MMP16: variants seen among roughly 807,000 people sequenced by gnomAD.
MMP16 encodes the protein matrix metalloproteinase-16.
In MMP16, 12 loss-of-function variants were observed where a neutral mutation model predicts 67.8. The observed-to-expected ratio is 0.18, with a 90% CI of 0.11 to 0.29. MMP16 has a LOEUF of 0.29. Ranked by LOEUF, MMP16 falls within the 10% of genes least tolerant of loss-of-function variation. The pLI, the probability that MMP16 is intolerant of heterozygous loss-of-function variation, is 1.00. For synonymous variants in MMP16, 249 were observed against 255.9 expected, an observed-to-expected ratio of 0.97 and a Z score of 0.26; for missense variants, 475 against 765.7, an observed-to-expected ratio of 0.62 and a Z score of 4.48.
chr8:88,214,280 T>C (rs766193966), intron 1 of MMP16, among the ~76,000 whole-genome samples: 24 of 152,142 alleles, frequency 1.6e-4, no homozygotes, highest in Admixed American at 3.3e-4. Flanking sequence ...AGGCAAAACA[T>C]AGCCCAGTCT....
At chr8:88,193,348 T>TAAAAAACAAAACAAAACAAAAC (rs1214156247) in intron 2 of MMP16, among the ~76,000 whole-genome samples, 1 of 151,792 alleles carries the variant, frequency 6.6e-6, no homozygotes, top group African/African-American at 2.4e-5. Context: ...ATGTGGGAGC[T>TAAAAAACAAAACAAAACAAAAC]AAAAAACAAA....
intron 4 of MMP16, among the ~76,000 whole-genome samples, chr8:88,140,949 C>T (rs902387236): frequency 6.6e-6 from 1 of 152,082 alleles, no homozygotes; most frequent in Non-Finnish European, 1.5e-5. Flanking sequence ...ATTAAAATAT[C>T]ATTAGGATCA....
At position 88,056,300 on chromosome 8, in the gene MMP16, G is replaced by C. The variant is rs775826740; in HGVS notation, c.1223-22C>G. On this transcript the variant is annotated intron_variant, in intron 7 of 9. Coordinates refer to ENST00000286614, the MANE Select transcript of MMP16 (RefSeq NM_005941.5). ...TTACCTGTATGGAATAAGTGTAAAT[G>C]TAGAATATATTAATTTAATGTCATA... 5.9e-6 allele frequency: 8 copies of C among 1,349,268 alleles called. 1 individual carries two copies. Among genetic ancestry groups the C allele is most frequent in the Non-Finnish European group, 7.9e-6 (8 of 1,009,640 alleles). The allele number at this position is 1,349,268 out of a possible 1,614,324, so 83.6% of individuals were successfully genotyped here.
intron 1 of MMP16, among the ~76,000 whole-genome samples, chr8:88,282,485 T>C (rs1462847037): frequency 6.6e-6 from 1 of 152,216 alleles, no homozygotes; most frequent in Admixed American, 6.5e-5. Flanking sequence ...CTAAAACATA[T>C]TAAAAACAAA....
intron 7 of MMP16, among the ~76,000 whole-genome samples, chr8:88,072,605 A>G (rs1808577482): frequency 6.6e-6 from 1 of 152,050 alleles, no homozygotes. Context: ...ACAAAAACGA[A>G]ATTATTGCTG....
chr8:88,117,086 T>C (rs1285184027), intron 5 of MMP16, among the ~76,000 whole-genome samples: 1 of 152,146 alleles, frequency 6.6e-6, no homozygotes, highest in East Asian at 1.9e-4. Flanking sequence ...GCCATGTAAG[T>C]AAGCTCCAAC....
rs1807993434 is a variant in MMP16 at position 88,032,137 on chromosome 8, GA to G, written c.*9323del. 1 of 152,058 alleles carries G rather than the reference GA, an allele frequency of 6.6e-6. No homozygotes were observed. The allele number at this position is 152,058 out of a possible 1,614,324, so 9.4% of individuals were successfully genotyped here. On this transcript the variant is annotated 3_prime_UTR_variant, in exon 10 of 10. Coordinates refer to ENST00000286614, the MANE Select transcript of MMP16 (RefSeq NM_005941.5). ...TCCCTAGGTTAAGACACTTACAGCA[GA>G]CAAAAACTGCCCCACCCCTAATCCC...
intron 4 of MMP16, among the ~76,000 whole-genome samples, chr8:88,132,928 G>A (rs1307319665): frequency 6.6e-6 from 1 of 151,870 alleles, no homozygotes; most frequent in Non-Finnish European, 1.5e-5. Flanking sequence ...GCAAGGGAAA[G>A]TCTTCCATCT....
At chr8:88,201,535 A>G (rs11990055) in intron 1 of MMP16, among the ~76,000 whole-genome samples, 10,473 of 152,100 alleles carry the variant, frequency 0.069, 398 homozygotes, top group African/African-American at 0.098. Context: ...AAACATTTTT[A>G]TTATTTTGGG....
intron 4 of MMP16, among the ~76,000 whole-genome samples, chr8:88,134,039 A>G (rs1808078235): frequency 1.3e-5 from 2 of 151,888 alleles, no homozygotes. Flanking sequence ...CTCCAAAAGC[A>G]GACATCTATT....
Position 88,186,523 on chromosome 8 carries a change from T to C in MMP16, c.357A>G (p.Arg119=). ...GCCATTTCTGTCCTGTCAATGCATATCGCTTTCGACGAATATGAAATTTGG... is the reference window on the plus strand; with the variant it reads ...GCCATTTCTGTCCTGTCAATGCATACCGCTTTCGACGAATATGAAATTTGG... ...GSSKFHIRRK[R]YALTGQKWQH... The change falls in exon 3 of 10, where the codon CGA becomes CGG. Residue 119 remains arginine, a synonymous_variant. Transcript: ENST00000286614. The C allele has an allele frequency of 6.2e-7, 1 of 1,611,264 alleles. No homozygotes were observed. The highest frequency in any genetic ancestry group is 2.2e-5 in the East Asian group (1 of 44,722).
chr8:88,062,205 C>T (rs995355894), intron 7 of MMP16, among the ~76,000 whole-genome samples: 10 of 151,918 alleles, frequency 6.6e-5, no homozygotes, highest in Non-Finnish European at 1.5e-4. Context: ...AATGGTTGAA[C>T]TAGTTACTGT....
At position 88,166,586 on chromosome 8, in the gene MMP16, TA is replaced by T. The variant is rs139382861; in HGVS notation, c.709+1082del. 2.1e-3 allele frequency among the ~76,000 whole-genome samples: 314 copies of T among 149,678 alleles called. 1 individual carries two copies. The highest frequency in any genetic ancestry group is 7.3e-3 in the African/African-American group (300 of 40,954). Reference sequence around the variant, plus strand: ...TAGAGTTGCAAAAAATGATCTTTGGTAAAAATTAAGATGTAATGAAAATATA... The same window carrying T: ...TAGAGTTGCAAAAAATGATCTTTGGTAAAATTAAGATGTAATGAAAATATA... On this transcript the variant is annotated intron_variant, in intron 4 of 9. Coordinates refer to ENST00000286614, the MANE Select transcript of MMP16 (RefSeq NM_005941.5).
chr8:88,326,851 C>T, intron 1 of MMP16: 2 of 472,872 alleles, frequency 4.2e-6, no homozygotes, highest in African/African-American at 3.9e-5. Flanking sequence ...TGTCTTTGAG[C>T]GCGCAGCATC....
At chr8:88,206,702 G>A (rs1356458887) in intron 1 of MMP16, among the ~76,000 whole-genome samples, 1 of 152,106 alleles carries the variant, frequency 6.6e-6, no homozygotes, top group African/African-American at 2.4e-5. Context: ...AAGTGTTTTG[G>A]TCTTTATTTA....
At chr8:88,230,968 A>C (rs1284666811) in intron 1 of MMP16, among the ~76,000 whole-genome samples, 1 of 152,170 alleles carries the variant, frequency 6.6e-6, no homozygotes, top group Non-Finnish European at 1.5e-5. Flanking sequence ...ATAGGAAGTC[A>C]TGTGCCCCTT....
At chr8:88,309,450 G>A (rs1012928004) in intron 1 of MMP16, among the ~76,000 whole-genome samples, 1 of 151,672 alleles carries the variant, frequency 6.6e-6, no homozygotes, top group South Asian at 2.1e-4. Context: ...TAGGAGGGAG[G>A]GGGGGAACTG....
At chr8:88,163,278 A>G (rs1808660299) in intron 4 of MMP16, among the ~76,000 whole-genome samples, 1 of 152,110 alleles carries the variant, frequency 6.6e-6, no homozygotes, top group African/African-American at 2.4e-5. Context: ...GTATTCAGGA[A>G]TGAGTGGGTT....
intron 2 of MMP16, among the ~76,000 whole-genome samples, chr8:88,192,179 T>C (rs1667833440): frequency 6.6e-6 from 1 of 152,226 alleles, no homozygotes; most frequent in Non-Finnish European, 1.5e-5. Flanking sequence ...TTTGTATTCA[T>C]AGAGTCAAGT....
Sources: allele counts gnomAD v4.1 joint callset (sites outside exome capture counted in the v4.1 genomes callset), GRCh38; gene constraint gnomAD v4.1.1; transcripts MANE v1.5; gene names NCBI Gene and HGNC (gene_info 2026-07-23, HGNC 2026-07-21).